Variants in CRADD observed in about 807,000 individuals in gnomAD.
CRADD encodes death domain-containing protein CRADD.
CRADD carries 9 observed loss-of-function variants against 15.5 expected under a neutral mutation model. That is an observed-to-expected ratio of 0.58 (90% CI 0.35 to 1.01). The LOEUF is 1.01. Among genes scored for constraint, CRADD ranks in the 50% least tolerant of loss-of-function variants. The probability of loss-of-function intolerance (pLI) is 0.02; values close to 1 mark genes in which losing one functional copy is unlikely to be tolerated. For synonymous variants in CRADD, 118 were observed against 107.6 expected (o/e 1.10, Z -0.60); for missense variants, 227 against 250.3 (o/e 0.91, Z 0.63).
chr12:93,814,643 G>A (rs905349849), intron 2 of CRADD, among the ~76,000 whole-genome samples: 1 of 152,282 alleles, frequency 6.6e-6, no homozygotes, highest in African/African-American at 2.4e-5. Context: ...GCTAGCCTGA[G>A]AGCACAGAAC....
At chr12:93,794,685 C>T (rs1188412137) in intron 2 of CRADD, among the ~76,000 whole-genome samples, 1 of 152,206 alleles carries the variant, frequency 6.6e-6, no homozygotes, top group Non-Finnish European at 1.5e-5. Context: ...AGAGACCAGC[C>T]AGAGTGGTCT....
At chr12:93,734,292 A>G (rs1380186728) in intron 2 of CRADD, among the ~76,000 whole-genome samples, 1 of 152,172 alleles carries the variant, frequency 6.6e-6, no homozygotes, top group Non-Finnish European at 1.5e-5. Context: ...TTTCAAATGT[A>G]TTATTTCATT....
chr12:93,830,279 G>C (rs1474673374), intron 2 of CRADD, among the ~76,000 whole-genome samples: 1 of 152,184 alleles, frequency 6.6e-6, no homozygotes, highest in African/African-American at 2.4e-5. Flanking sequence ...GATGACATGT[G>C]AGCTAATTAT....
At chr12:93,875,577 T>A (rs914780103) in intron 2 of CRADD, among the ~76,000 whole-genome samples, 4 of 152,060 alleles carry the variant, frequency 2.6e-5, no homozygotes, top group African/African-American at 9.7e-5. Context: ...ATTATATGTT[T>A]TTTTGGTTTG....
intron 2 of CRADD, among the ~76,000 whole-genome samples, chr12:93,832,724 G>T (rs1005285923): frequency 6.6e-6 from 1 of 152,118 alleles, no homozygotes; most frequent in Admixed American, 6.5e-5. Flanking sequence ...TCATCAGTAG[G>T]AAATAATTAC....
At chr12:93,863,877 AT>A (rs1291189261) in intron 2 of CRADD, among the ~76,000 whole-genome samples, 2 of 151,920 alleles carry the variant, frequency 1.3e-5, no homozygotes, top group South Asian at 2.1e-4. Context: ...ATTCACTTAA[AT>A]TTTTTTTATT....
chr12:93,824,869 A>G lies in CRADD; in HGVS notation c.299-25101A>G, dbSNP rs1957807173. ...AAGCATGCAGAGGGAGGCGGAGTGAATTACAGCTGTCTCTTTGGACCACCC... is the reference window on the plus strand; with the variant it reads ...AAGCATGCAGAGGGAGGCGGAGTGAGTTACAGCTGTCTCTTTGGACCACCC... On this transcript the variant is annotated intron_variant, in intron 2 of 2. Coordinates refer to ENST00000332896, the MANE Select transcript of CRADD (RefSeq NM_003805.5). This position sits in a 1 kb window ranked among gnomAD's most constrained non-coding sequence, Gnocchi z 4.3. 6.6e-6 allele frequency among the ~76,000 whole-genome samples: 1 copy of G among 152,170 alleles called. No homozygotes were observed.
intron 2 of CRADD, among the ~76,000 whole-genome samples, chr12:93,817,052 A>G (rs35668669): frequency 2.0e-5 from 3 of 152,180 alleles, no homozygotes; most frequent in African/African-American, 7.2e-5. Context: ...AGTATTTTTA[A>G]AGTAATACCT....
intron 2 of CRADD, among the ~76,000 whole-genome samples, chr12:93,804,014 C>A (rs1957506408): frequency 6.6e-6 from 1 of 152,020 alleles, no homozygotes; most frequent in Non-Finnish European, 1.5e-5. Context: ...CAATGCAATC[C>A]CCTTAGAGCC....
chr12:93,755,379 C>A (rs1447797155), intron 2 of CRADD, among the ~76,000 whole-genome samples: 1 of 152,124 alleles, frequency 6.6e-6, no homozygotes, highest in Non-Finnish European at 1.5e-5. Flanking sequence ...GTTTATATCA[C>A]CTTCTAATTT....
intron 2 of CRADD, among the ~76,000 whole-genome samples, chr12:93,754,304 G>A (rs1956864055): frequency 6.6e-6 from 1 of 152,250 alleles, no homozygotes; most frequent in Non-Finnish European, 1.5e-5. Context: ...CCTGTGATGG[G>A]AGAGACTACC....
intron 2 of CRADD, among the ~76,000 whole-genome samples, chr12:93,725,337 G>A (rs1956340354): frequency 6.6e-6 from 1 of 152,096 alleles, no homozygotes; most frequent in African/African-American, 2.4e-5. Flanking sequence ...GAGTTCTGTT[G>A]CCCAGTTGTC....
intron 2 of CRADD, among the ~76,000 whole-genome samples, chr12:93,820,193 C>G (rs80282804): frequency 0.033 from 4,993 of 152,252 alleles, 152 homozygotes; most frequent in East Asian, 0.12. Flanking sequence ...ACAGCCACTG[C>G]CTCCATCTGA....
intron 2 of CRADD, among the ~76,000 whole-genome samples, chr12:93,858,245 G>A (rs960397962): frequency 8.5e-5 from 13 of 152,178 alleles, no homozygotes; most frequent in African/African-American, 3.1e-4. Context: ...TTTTTATTCA[G>A]GCTGTTGCCA....
At chr12:93,865,830 T>A (rs562666267) in intron 2 of CRADD, among the ~76,000 whole-genome samples, 1 of 152,014 alleles carries the variant, frequency 6.6e-6, no homozygotes, top group Admixed American at 6.6e-5. Context: ...TGTTATTTTT[T>A]TCAGTATATT....
intron 2 of CRADD, among the ~76,000 whole-genome samples, chr12:93,843,052 C>A (rs1170790964): frequency 6.6e-6 from 1 of 152,112 alleles, no homozygotes; most frequent in East Asian, 1.9e-4. Flanking sequence ...ATTTTTTAAA[C>A]CAGGATGAAC....
chr12:93,826,526 C>T (rs901978332), intron 2 of CRADD, among the ~76,000 whole-genome samples: 2 of 152,208 alleles, frequency 1.3e-5, no homozygotes, highest in Non-Finnish European at 2.9e-5. Context: ...AAGCTATATC[C>T]TCTGCTTCCA....
At chr12:93,804,814 A>G (rs1280625211) in intron 2 of CRADD, among the ~76,000 whole-genome samples, 2 of 152,108 alleles carry the variant, frequency 1.3e-5, no homozygotes, top group Non-Finnish European at 2.9e-5. Flanking sequence ...TCAAACATTG[A>G]ATGAAGGACT....
At position 93,794,218 on chromosome 12, in the gene CRADD, G is replaced by A. The variant is rs928997639; in HGVS notation, c.299-55752G>A. Among the ~76,000 whole-genome samples the A allele has an allele frequency of 4.6e-5, 7 of 151,926 alleles. No homozygotes were observed. The East Asian group carries it at 1.4e-3, about 29-fold the overall frequency. On this transcript the variant is annotated intron_variant, in intron 2 of 2. Coordinates refer to ENST00000332896, the MANE Select transcript of CRADD (RefSeq NM_003805.5). ...GAAAGCCTCCAATGCTTCATCCTTG[G>A]GTTTCTCTGTACTCTTTCTGAGTAA...
Sources: allele counts gnomAD v4.1 joint callset (sites outside exome capture counted in the v4.1 genomes callset), GRCh38; gene constraint gnomAD v4.1.1; non-coding constraint Gnocchi (gnomAD v3.1); transcripts MANE v1.5; gene names NCBI Gene and HGNC (gene_info 2026-07-23, HGNC 2026-07-21).